Variants in LIMCH1 observed in about 807,000 individuals in gnomAD.
LIMCH1 encodes LIM and calponin homology domains-containing protein 1.
A neutral mutation model predicts 176.5 loss-of-function variants in LIMCH1; 113 were observed. That is an observed-to-expected ratio of 0.64 (90% confidence interval 0.55 to 0.75). The LOEUF (loss-of-function observed/expected upper bound fraction) is 0.75. Ranked by LOEUF, LIMCH1 falls within the 30% of genes least tolerant of loss-of-function variation. The pLI, the probability that LIMCH1 is intolerant of heterozygous loss-of-function variation, is 0.00. For synonymous variants in LIMCH1, 619 were observed against 645.9 expected (o/e 0.96, Z 0.63); for missense variants, 1,674 against 1,814.9 (o/e 0.92, Z 1.41).
In LIMCH1 at chr4:41,619,371, CAGAG is replaced by C; in HGVS notation, c.396_399del (p.Glu133AsnfsTer25). On this transcript the variant is annotated frameshift_variant, in exon 6 of 32. Coordinates refer to ENST00000503057, the MANE Select transcript of LIMCH1 (RefSeq NM_001330672.2). LOFTEE classifies it high-confidence loss of function. ...CCCGCGCCTCTGAGAAAGAAGAAAGCAGAGAGAGAGGAATACCGCAAGAGCTGGA... is the reference window on the plus strand; with the variant it reads ...CCCGCGCCTCTGAGAAAGAAGAAAGCAGAGAGGAATACCGCAAGAGCTGGA... The C allele has an allele frequency of 6.2e-7, 1 of 1,614,010 alleles. No homozygotes were observed. Among genetic ancestry groups the C allele is most frequent in the Non-Finnish European group, 8.5e-7 (1 of 1,180,032 alleles).
At chr4:41,595,237 G>C (rs147494013) in intron 1 of LIMCH1, among the ~76,000 whole-genome samples, 1 of 152,128 alleles carries the variant, frequency 6.6e-6, no homozygotes, top group East Asian at 1.9e-4. Context: ...TTTGTTTGCC[G>C]TTGGGAGGGA....
intron 10 of LIMCH1, among the ~76,000 whole-genome samples, chr4:41,632,180 A>G (rs1421481260): frequency 2.0e-5 from 3 of 152,176 alleles, no homozygotes; most frequent in African/African-American, 7.2e-5. Context: ...CAGGAAACAC[A>G]TATAGGACAT....
intron 2 of LIMCH1, among the ~76,000 whole-genome samples, chr4:41,519,040 A>G (rs1237645696): frequency 6.6e-6 from 1 of 152,202 alleles, no homozygotes; most frequent in Non-Finnish European, 1.5e-5. Flanking sequence ...ACTACAATAA[A>G]CATACATGTG....
chr4:41,370,026 G>A (rs541023396), intron 1 of LIMCH1, among the ~76,000 whole-genome samples: 2 of 151,254 alleles, frequency 1.3e-5, no homozygotes, highest in African/African-American at 2.4e-5. Context: ...TTGGACACTC[G>A]GAGGGTGATT....
chr4:41,692,541 C>T, intron 31 of LIMCH1, 157 bp downstream of exon 31: 1 of 568,978 alleles, frequency 1.8e-6, no homozygotes, highest in East Asian at 3.0e-5. Context: ...AAGATATTTA[C>T]CACTCGTTTC....
chr4:41,641,899 G>A (rs558662106), intron 14 of LIMCH1, among the ~76,000 whole-genome samples: 1 of 152,280 alleles, frequency 6.6e-6, no homozygotes, highest in East Asian at 1.9e-4. Context: ...TAACTAACTG[G>A]CTTCTGGCCA....
intron 1 of LIMCH1, among the ~76,000 whole-genome samples, chr4:41,381,754 C>T (rs1461182828): frequency 1.3e-5 from 2 of 152,138 alleles, no homozygotes; most frequent in Non-Finnish European, 2.9e-5. Context: ...GAGACCTGGA[C>T]AAAGCCAAAT....
rs1179458892 is a variant in LIMCH1, at chr4:41,558,960, T to G, written c.-241+20610T>G. Reference sequence around the variant, plus strand: ...TTATGATAAATGTTTGACTTACTAATGCAGAAATTTAGCTTTGAGAAACAC... The same window carrying G: ...TTATGATAAATGTTTGACTTACTAAGGCAGAAATTTAGCTTTGAGAAACAC... On this transcript the variant is annotated intron_variant, in intron 1 of 31. Transcript: ENST00000503057. 3.3e-5 allele frequency among the ~76,000 whole-genome samples: 5 copies of G among 152,314 alleles called. No homozygotes were observed. In the South Asian group the frequency reaches 8.3e-4, roughly 25 times the overall value.
chr4:41,403,590 A>G (rs2058681987), intron 1 of LIMCH1, among the ~76,000 whole-genome samples: 1 of 152,182 alleles, frequency 6.6e-6, no homozygotes, highest in Non-Finnish European at 1.5e-5. Flanking sequence ...CAAGTAAATA[A>G]ATAAATAAAA....
rs757873264 is a variant in LIMCH1 at position 41,598,988 on chromosome 4, G to A, written c.-172G>A. 1.4e-5 allele frequency: 22 copies of A among 1,611,766 alleles called. No individual in the cohort carries two copies. The highest frequency in any genetic ancestry group is 1.6e-4 in the Middle Eastern group (1 of 6,072). ...TTAAAGAATCTCAACTTTTTGACCC[G>A]AGTGACCTCCAGGATACATCCAACA... On this transcript the variant is annotated 5_prime_UTR_variant, in exon 2 of 32. Coordinates refer to ENST00000503057, the MANE Select transcript of LIMCH1 (RefSeq NM_001330672.2).
chr4:41,680,153 A>G (rs1714522046), intron 24 of LIMCH1, 55 bp downstream of exon 24: 3 of 1,184,886 alleles, frequency 2.5e-6, no homozygotes, highest in Non-Finnish European at 3.7e-6. Context: ...CTCAAAGTCT[A>G]GCAACACTCT....
intron 1 of LIMCH1, among the ~76,000 whole-genome samples, chr4:41,432,908 A>C (rs2061725861): frequency 6.6e-6 from 1 of 152,204 alleles, no homozygotes; most frequent in African/African-American, 2.4e-5. Flanking sequence ...TGATCAACCC[A>C]AAATAAAACT....
At chr4:41,414,152 G>A (rs886189016) in intron 1 of LIMCH1, among the ~76,000 whole-genome samples, 1 of 151,838 alleles carries the variant, frequency 6.6e-6, no homozygotes, top group Admixed American at 6.6e-5. Flanking sequence ...TAACAGGATG[G>A]GGGGGCAGGA....
At chr4:41,589,489 G>T (rs1424469123) in intron 1 of LIMCH1, among the ~76,000 whole-genome samples, 1 of 152,144 alleles carries the variant, frequency 6.6e-6, no homozygotes. Flanking sequence ...ACAGAGAAGG[G>T]TTAGGTTATT....
chr4:41,613,635 A>T lies in LIMCH1; in HGVS notation c.179A>T (p.Asp60Val). ...GSRSRQTPSP[D>V]VVLRGSSDGR... ...CGCTCTCGGCAGACGCCTTCACCAG[A>T]TGTAGTCCTCAGGGGAAGCAGCGAT... Residue 60 changes from aspartate to valine, a missense_variant, in exon 5 of 32, where the codon GAT becomes GTT. Transcript: ENST00000503057. The T allele has an allele frequency of 4.3e-6, 7 of 1,614,126 alleles. No individual in the cohort carries two copies. Among genetic ancestry groups the T allele is most frequent in the Non-Finnish European group, 5.9e-6 (7 of 1,180,016 alleles).
chr4:41,595,475 T>C (rs1469135974), intron 1 of LIMCH1, among the ~76,000 whole-genome samples: 7 of 152,128 alleles, frequency 4.6e-5, no homozygotes. Context: ...GGGTGACTGG[T>C]ATGGTATATA....
intron 2 of LIMCH1, among the ~76,000 whole-genome samples, chr4:41,514,940 C>T (rs2075391164): frequency 6.6e-6 from 1 of 152,220 alleles, no homozygotes; most frequent in Admixed American, 6.5e-5. Flanking sequence ...ACCCAAACCA[C>T]ATCTGAGATT....
intron 2 of LIMCH1, among the ~76,000 whole-genome samples, chr4:41,602,124 CAAAAAAAAAAAAA>C (rs540240960): frequency 2.0e-4 from 15 of 73,286 alleles, no homozygotes; most frequent in South Asian, 7.4e-4. Flanking sequence ...TTGAGTAGAC[CAAAAAAAAAAAAA>C]AAAAAAAAAA....
chr4:41,657,989 T>C (rs1325958162), intron 18 of LIMCH1, among the ~76,000 whole-genome samples: 1 of 152,184 alleles, frequency 6.6e-6, no homozygotes, highest in Non-Finnish European at 1.5e-5. Context: ...TCTTAGGTGA[T>C]AGATTGCCTC....
Sources: allele counts gnomAD v4.1 joint callset (sites outside exome capture counted in the v4.1 genomes callset), GRCh38; gene constraint gnomAD v4.1.1; transcripts MANE v1.5; gene names NCBI Gene and HGNC (gene_info 2026-07-23, HGNC 2026-07-21).